Variants in TMCO4 observed in about 807,000 individuals in gnomAD.
The protein encoded by TMCO4 is transmembrane and coiled-coil domains 4, also known as transmembrane and coiled-coil domain-containing protein 4.
TMCO4 carries 58 observed loss-of-function variants against 64.7 expected under a neutral mutation model. That is an observed-to-expected ratio of 0.90 (90% CI 0.73 to 1.12). TMCO4 has a LOEUF of 1.12. Among genes scored for constraint, TMCO4 ranks in the 50% most tolerant of loss-of-function variants. The probability of loss-of-function intolerance (pLI) is 0.00; values close to 1 mark genes in which losing one functional copy is unlikely to be tolerated. For missense variants in TMCO4, 780 were observed against 825.9 expected (o/e 0.94, Z 0.68); for synonymous variants, 325 against 346.1 (o/e 0.94, Z 0.68).
intron 13 of TMCO4, chr1:19,701,334 C>A (rs2095271266): frequency 6.6e-6 from 1 of 152,416 alleles, no homozygotes; most frequent in African/African-American, 2.4e-5. Context: ...CCATGCCCGG[C>A]TAATTTTTTG....
chr1:19,713,947 T>C lies in TMCO4; in HGVS notation c.1265-13062A>G, dbSNP rs550297096. Among the ~76,000 whole-genome samples the C allele has an allele frequency of 8.5e-5, 13 of 152,210 alleles. 1 individual carries two copies. The South Asian group carries it at 2.7e-3, about 32-fold the overall frequency. On this transcript the variant is annotated intron_variant, in intron 13 of 15. Coordinates refer to ENST00000294543, the MANE Select transcript of TMCO4 (RefSeq NM_181719.7). ...ATCTTCCAGTTCATTATTATTATTA[T>C]TATTTTTGAGACAGAGTCTCTCTCT... is the stretch of plus-strand genomic sequence containing the variant.
chr1:19,790,010 G>A (rs1296337197), intron 2 of TMCO4, among the ~76,000 whole-genome samples: 4 of 148,214 alleles, frequency 2.7e-5, no homozygotes, highest in African/African-American at 5.0e-5. Flanking sequence ...TTGAGATCCT[G>A]CCACTGGACT....
Position 19,683,393 on chromosome 1 carries a change from C to A in TMCO4, c.1552G>T (p.Val518Leu), listed in dbSNP as rs754745907. 2.5e-6 allele frequency: 4 copies of A among 1,613,696 alleles called. No individual in the cohort carries two copies. The highest frequency in any genetic ancestry group is 2.5e-6 in the Non-Finnish European group (3 of 1,180,034). ...AKQMDAILKA[V>L]GIRTKPGWDE... ...CAGCCTGGCTTGGTGCGGATGCCCA[C>A]GGCCTTCAGGATGGCATCCATCTGC... The change falls in exon 16 of 16, where the codon GTG becomes TTG. Residue 518 changes from valine (V) to leucine (L), a missense_variant. Transcript: ENST00000294543.
intron 13 of TMCO4, among the ~76,000 whole-genome samples, chr1:19,719,036 G>A (rs879260743): frequency 2.6e-5 from 4 of 152,156 alleles, no homozygotes; most frequent in Non-Finnish European, 5.9e-5. Flanking sequence ...ACTCATCAAA[G>A]CTGAAGAGAT....
intron 13 of TMCO4, among the ~76,000 whole-genome samples, chr1:19,725,091 A>G (rs1352805543): frequency 6.6e-6 from 1 of 152,190 alleles, no homozygotes; most frequent in Admixed American, 6.5e-5. Context: ...TGATCCTTGC[A>G]TCTTGAAGAC....
At chr1:19,780,471 G>T in intron 4 of TMCO4, 109 bp downstream of exon 4, 2 of 1,323,642 alleles carry the variant, frequency 1.5e-6, no homozygotes, top group African/African-American at 1.5e-5. Context: ...CAAGGACAAT[G>T]ACTTGCCCCT....
chr1:19,719,365 G>A (rs2095371217), intron 13 of TMCO4, among the ~76,000 whole-genome samples: 1 of 152,220 alleles, frequency 6.6e-6, no homozygotes, highest in Non-Finnish European at 1.5e-5. Context: ...ACAGACAGGA[G>A]AAATATGCAG....
intron 6 of TMCO4, among the ~76,000 whole-genome samples, chr1:19,757,688 C>G (rs1273068701): frequency 6.6e-6 from 1 of 152,138 alleles, no homozygotes; most frequent in Non-Finnish European, 1.5e-5. Context: ...AGACCTCTCT[C>G]TCAGTATCTT....
chr1:19,751,693 C>G (rs1224887143), intron 7 of TMCO4, among the ~76,000 whole-genome samples: 1 of 152,214 alleles, frequency 6.6e-6, no homozygotes, highest in Non-Finnish European at 1.5e-5. Context: ...AAGGCACTCT[C>G]TCCTAACGTT....
At chr1:19,766,760 A>G (rs1217678076) in intron 6 of TMCO4, among the ~76,000 whole-genome samples, 11 of 152,198 alleles carry the variant, frequency 7.2e-5, no homozygotes, top group African/African-American at 2.4e-4. Flanking sequence ...AATACAATCA[A>G]TCCCCAAAAT....
intron 9 of TMCO4, among the ~76,000 whole-genome samples, chr1:19,746,170 T>G (rs570545725): frequency 4.3e-4 from 66 of 152,298 alleles, no homozygotes; most frequent in Non-Finnish European, 8.1e-4. Flanking sequence ...CCTCCAAACA[T>G]GAGGAAGCCC....
intron 15 of TMCO4, among the ~76,000 whole-genome samples, chr1:19,686,112 G>A (rs2095147355): frequency 6.6e-6 from 1 of 152,218 alleles, no homozygotes; most frequent in Non-Finnish European, 1.5e-5. Context: ...TCACTTTACA[G>A]AGAAGGGCAG....
chr1:19,747,832 AACT>A (rs2041858228), intron 7 of TMCO4, among the ~76,000 whole-genome samples: 2 of 152,186 alleles, frequency 1.3e-5, no homozygotes, highest in African/African-American at 4.8e-5. Flanking sequence ...GTGCCCTGAG[AACT>A]GCTGTTGTGA....
intron 15 of TMCO4, among the ~76,000 whole-genome samples, chr1:19,684,939 G>T (rs2095134558): frequency 6.6e-6 from 1 of 152,218 alleles, no homozygotes; most frequent in Non-Finnish European, 1.5e-5. Flanking sequence ...CAGCAAGAGG[G>T]AAATTTGGTC....
intron 13 of TMCO4, among the ~76,000 whole-genome samples, chr1:19,705,598 A>C (rs1195456506): frequency 6.6e-6 from 1 of 152,082 alleles, no homozygotes; most frequent in Non-Finnish European, 1.5e-5. Flanking sequence ...CTGCATTCAA[A>C]GCCATCCTGG....
In TMCO4 at chr1:19,761,047, G is replaced by A. The variant is rs117072437; in HGVS notation, c.383-5281C>T. Among the ~76,000 whole-genome samples the A allele has an allele frequency of 7.7e-4, 117 of 152,340 alleles. 2 individuals are homozygous for A. The East Asian group carries it at 0.021, about 28-fold the overall frequency. On this transcript the variant is annotated intron_variant, in intron 6 of 15. Transcript: ENST00000294543. ...AGATTCTGCACTACACTCTCTGCAC[G>A]TATTGGCTTATTGAATCCTTATGAC... is the stretch of plus-strand genomic sequence containing the variant.
intron 13 of TMCO4, among the ~76,000 whole-genome samples, chr1:19,705,608 G>C (rs2095298835): frequency 6.6e-6 from 1 of 151,864 alleles, no homozygotes; most frequent in Non-Finnish European, 1.5e-5. Flanking sequence ...AGCCATCCTG[G>C]GTGGCATGTG....
chr1:19,747,079 C>T (rs1275876419), intron 8 of TMCO4, 84 bp downstream of exon 8: 3 of 1,408,336 alleles, frequency 2.1e-6, no homozygotes, highest in Admixed American at 1.7e-5. Context: ...TGAGCCCCTG[C>T]ACTCTCCACT....
At position 19,736,343 on chromosome 1, in the gene TMCO4, C is replaced by T. The variant is rs1170617523; in HGVS notation, c.1264+1029G>A. ...CTGATTCAATTACCTCCCACCGGGT[C>T]CCTCCCATGACCCATGTGGATTGTG... On this transcript the variant is annotated intron_variant, in intron 13 of 15. Coordinates refer to ENST00000294543, the MANE Select transcript of TMCO4 (RefSeq NM_181719.7). Among the ~76,000 whole-genome samples, 4 of 152,174 alleles carry T rather than the reference C, an allele frequency of 2.6e-5. No homozygotes were observed. The East Asian group carries it at 7.7e-4, about 29-fold the overall frequency.
Sources: allele counts gnomAD v4.1 joint callset (sites outside exome capture counted in the v4.1 genomes callset), GRCh38; gene constraint gnomAD v4.1.1; transcripts MANE v1.5; gene names NCBI Gene and HGNC (gene_info 2026-07-23, HGNC 2026-07-21).